ARHGAP28: variants seen among roughly 807,000 people sequenced by gnomAD.
ARHGAP28 encodes Rho GTPase activating protein 28.
ARHGAP28 carries 56 observed loss-of-function variants against 90.7 expected under a neutral mutation model. That is an observed-to-expected ratio of 0.62 (90% CI 0.50 to 0.77). The LOEUF is 0.77. Ranked by LOEUF, ARHGAP28 falls within the 30% of genes least tolerant of loss-of-function variation. The pLI is 0.00. For synonymous variants in ARHGAP28, 308 were observed against 323.3 expected (o/e 0.95, Z 0.51); for missense variants, 869 against 900.9 (o/e 0.96, Z 0.45).
At chr18:6,911,006 G>C (rs186351244) in intron 17 of ARHGAP28, among the ~76,000 whole-genome samples, 4 of 152,062 alleles carry the variant, frequency 2.6e-5, no homozygotes, top group Admixed American at 2.6e-4. Context: ...CACCACGCCC[G>C]GCTAATTTTG....
intron 4 of ARHGAP28, among the ~76,000 whole-genome samples, chr18:6,856,038 G>A (rs1358708377): frequency 2.6e-5 from 4 of 152,056 alleles, no homozygotes; most frequent in Middle Eastern, 3.4e-3. Flanking sequence ...CCAAGTGGGC[G>A]GAATGAACCC....
chr18:6,833,366 CA>C (rs1228798439), intron 2 of ARHGAP28, among the ~76,000 whole-genome samples: 2 of 151,728 alleles, frequency 1.3e-5, no homozygotes, highest in African/African-American at 2.4e-5. Context: ...CCTTTTATGA[CA>C]AAAAAAGAAA....
intron 1 of ARHGAP28, among the ~76,000 whole-genome samples, chr18:6,823,750 C>T (rs1032373296): frequency 1.3e-5 from 2 of 151,646 alleles, no homozygotes; most frequent in East Asian, 1.9e-4. Flanking sequence ...AATTATTTTC[C>T]TTCTTTTATT....
Position 6,819,364 on chromosome 18 carries a change from T to G in ARHGAP28, c.123-5398T>G, listed in dbSNP as rs988336112. Among the ~76,000 whole-genome samples the G allele has an allele frequency of 2.6e-5, 4 of 152,128 alleles. No individual in the cohort carries two copies. In the East Asian group the frequency reaches 5.8e-4, roughly 22 times the overall value. ...ATATAAAAATCTATATTTTAAAAAC[T>G]ATGTTGGAGAGCTGTGGATACAAAG... On this transcript the variant is annotated intron_variant, in intron 1 of 17. Transcript: ENST00000383472.
At chr18:6,893,786 G>C (rs2057283535) in intron 14 of ARHGAP28, among the ~76,000 whole-genome samples, 2 of 151,488 alleles carry the variant, frequency 1.3e-5, no homozygotes, top group Non-Finnish European at 1.5e-5. Context: ...TATTTATAAA[G>C]GTTATAAATA....
chr18:6,911,118 G>A (rs1186103608), intron 17 of ARHGAP28, among the ~76,000 whole-genome samples: 4 of 152,052 alleles, frequency 2.6e-5, no homozygotes, highest in Admixed American at 6.5e-5. Context: ...ACAGGCGTGA[G>A]CCACCGCGCT....
At chr18:6,863,317 A>T (rs184517915) in intron 5 of ARHGAP28, among the ~76,000 whole-genome samples, 9 of 152,062 alleles carry the variant, frequency 5.9e-5, no homozygotes, top group Admixed American at 1.3e-4. Context: ...TGATTTTCCA[A>T]CATCTGTTAA....
intron 1 of ARHGAP28, among the ~76,000 whole-genome samples, chr18:6,820,047 G>A (rs991729446): frequency 2.6e-5 from 4 of 152,102 alleles, no homozygotes; most frequent in East Asian, 1.9e-4. Flanking sequence ...AAAGGAAAAT[G>A]TGACCTATAA....
chr18:6,867,865 A>G (rs535430952), intron 5 of ARHGAP28, among the ~76,000 whole-genome samples: 1 of 152,300 alleles, frequency 6.6e-6, no homozygotes, highest in South Asian at 2.1e-4. Context: ...CAGGAATCAT[A>G]ATCTCTACAT....
chr18:6,900,640 A>G (rs529282013), intron 16 of ARHGAP28, among the ~76,000 whole-genome samples: 17 of 150,296 alleles, frequency 1.1e-4, no homozygotes, highest in Non-Finnish European at 1.9e-4. Context: ...AATAAACCGG[A>G]AAAAAAAAAT....
At position 6,759,903 on chromosome 18, in the gene ARHGAP28, C is replaced by T. The variant is rs549619748; in HGVS notation, c.122+29960C>T. On this transcript the variant is annotated intron_variant, in intron 1 of 17. Transcript: ENST00000383472. ...ACTTCATTTAGATAGGTATCAGAACCTTGTTTGATTCAACAAGAAGGCTAT... is the reference window on the plus strand; with the variant it reads ...ACTTCATTTAGATAGGTATCAGAACTTTGTTTGATTCAACAAGAAGGCTAT... 5.9e-5 allele frequency among the ~76,000 whole-genome samples: 9 copies of T among 152,276 alleles called. No individual in the cohort carries two copies. In the South Asian group the frequency reaches 1.9e-3, roughly 32 times the overall value.
chr18:6,878,953 G>A (rs1203917521), intron 10 of ARHGAP28, among the ~76,000 whole-genome samples: 1 of 151,994 alleles, frequency 6.6e-6, no homozygotes, highest in Admixed American at 6.6e-5. Flanking sequence ...ATTATCCTCG[G>A]ATTGAACCAA....
intron 1 of ARHGAP28, among the ~76,000 whole-genome samples, chr18:6,749,341 G>C (rs1390258336): frequency 6.6e-6 from 1 of 152,138 alleles, no homozygotes; most frequent in Non-Finnish European, 1.5e-5. Context: ...TGGTAGTATT[G>C]TTTGACAAAA....
At position 6,837,385 on chromosome 18, in the gene ARHGAP28, A is replaced by G; in HGVS notation, c.514A>G (p.Arg172Gly). The G allele has an allele frequency of 6.2e-7, 1 of 1,604,908 alleles. No homozygotes were observed. The highest frequency in any genetic ancestry group is 8.5e-7 in the Non-Finnish European group (1 of 1,174,364). ...GGATAAGCAATCTATCAGGGATGTC[A>G]GAGACATTTTTGGAGTCAGTGAATC... ...KKDKQSIRDV[R>G]DIFGVSESPP... The change falls in exon 3 of 18, where the codon AGA becomes GGA. Residue 172 changes from arginine (R) to glycine (G), a missense_variant. Physicochemically the swap from Arg to Gly is moderately radical, Grantham distance 125. Coordinates refer to ENST00000383472, the MANE Select transcript of ARHGAP28 (RefSeq NM_001366230.1).
chr18:6,892,175 T>C (rs1468563861), intron 14 of ARHGAP28, among the ~76,000 whole-genome samples: 1 of 152,188 alleles, frequency 6.6e-6, no homozygotes, highest in Non-Finnish European at 1.5e-5. Context: ...ATTATACCAA[T>C]TCAGTGTGTT....
intron 1 of ARHGAP28, among the ~76,000 whole-genome samples, chr18:6,768,172 C>A (rs2056214428): frequency 6.6e-6 from 1 of 151,982 alleles, no homozygotes; most frequent in Admixed American, 6.6e-5. Flanking sequence ...CATTTCTCTC[C>A]TCTTATTTTT....
chr18:6,769,489 G>A (rs1235135102), intron 1 of ARHGAP28, among the ~76,000 whole-genome samples: 3 of 152,112 alleles, frequency 2.0e-5, no homozygotes, highest in African/African-American at 7.2e-5. Context: ...ACTTCCAAAA[G>A]CGAGGAACTC....
intron 16 of ARHGAP28, among the ~76,000 whole-genome samples, chr18:6,901,748 A>G (rs1600305169): frequency 6.6e-6 from 1 of 152,310 alleles, no homozygotes; most frequent in East Asian, 1.9e-4. Flanking sequence ...AGACCTGACT[A>G]CTATATTAGT....
intron 2 of ARHGAP28, among the ~76,000 whole-genome samples, chr18:6,826,046 T>C (rs1196759932): frequency 6.6e-6 from 1 of 152,036 alleles, no homozygotes; most frequent in Non-Finnish European, 1.5e-5. Context: ...CTTTCCACAG[T>C]GGCTGAACTA....
Sources: gnomAD v4.1 joint callset for allele counts (sites outside exome capture counted in the v4.1 genomes callset) on GRCh38, gnomAD v4.1.1 for gene constraint, MANE v1.5 for transcripts, NCBI Gene and HGNC (gene_info 2026-07-23, HGNC 2026-07-21) for gene names.